The following SLC24A3 variants were observed in gnomAD, a reference collection of about 807,000 sequenced individuals.
SLC24A3 encodes solute carrier family 24 member 3, also known as sodium/potassium/calcium exchanger 3.
SLC24A3 carries 28 observed loss-of-function variants against 75.8 expected under a neutral mutation model. That is an observed-to-expected ratio of 0.37 (90% CI 0.27 to 0.51). The LOEUF (loss-of-function observed/expected upper bound fraction) is 0.51. SLC24A3 is among the 20% of genes least tolerant of loss of function. SLC24A3 has a pLI of 0.94. For missense variants in SLC24A3, 663 were observed against 847.8 expected (o/e 0.78, Z 2.71); for synonymous variants, 372 against 334.1 (o/e 1.11, Z -1.24).
intron 6 of SLC24A3, among the ~76,000 whole-genome samples, chr20:19,594,487 T>C (rs2031424458): frequency 6.6e-6 from 1 of 152,242 alleles, no homozygotes; most frequent in Non-Finnish European, 1.5e-5. Context: ...CTGATTGTGT[T>C]CTAGGGAGAA....
intron 6 of SLC24A3, among the ~76,000 whole-genome samples, chr20:19,626,290 G>A (rs2031865111): frequency 6.6e-6 from 1 of 152,150 alleles, no homozygotes; most frequent in African/African-American, 2.4e-5. Context: ...CTGAGGCTCA[G>A]ATCAGGGAAG....
In SLC24A3 at chr20:19,685,095, T is replaced by G. The variant is rs776535401; in HGVS notation, c.1063-5T>G. ...CGTGGTAAGAGTGCGCCTTTCTCTT[T>G]CCAGAGACAAAGATTGATAAACAGC... On this transcript the variant is annotated splice_region_variant and splice_polypyrimidine_tract_variant and intron_variant, in intron 11 of 16. Coordinates refer to ENST00000328041, the MANE Select transcript of SLC24A3 (RefSeq NM_020689.4). 19 of 1,598,024 alleles carry G rather than the reference T, an allele frequency of 1.2e-5. No homozygotes were observed. Among genetic ancestry groups the G allele is most frequent in the Non-Finnish European group, 1.7e-6 (2 of 1,169,098 alleles).
At chr20:19,485,405 A>G (rs1988113816) in intron 2 of SLC24A3, among the ~76,000 whole-genome samples, 1 of 152,138 alleles carries the variant, frequency 6.6e-6, no homozygotes, top group Admixed American at 6.5e-5. Context: ...ACTGTATGTA[A>G]TTAGCTACTA....
intron 2 of SLC24A3, among the ~76,000 whole-genome samples, chr20:19,302,985 A>G (rs1162659843): frequency 6.6e-6 from 1 of 150,828 alleles, no homozygotes; most frequent in Non-Finnish European, 1.5e-5. Flanking sequence ...GAACGTGATA[A>G]TGAACTTAGT....
At chr20:19,549,665 T>A (rs2030659483) in intron 3 of SLC24A3, among the ~76,000 whole-genome samples, 1 of 152,144 alleles carries the variant, frequency 6.6e-6, no homozygotes, top group Non-Finnish European at 1.5e-5. Flanking sequence ...GCGTCTGTAA[T>A]CCCAGCTACT....
rs188531540 is a variant in SLC24A3, at chr20:19,451,428, C to T, written c.272-64060C>T. 3.5e-3 allele frequency among the ~76,000 whole-genome samples: 526 copies of T among 152,338 alleles called. 13 individuals carry two copies. Among genetic ancestry groups the T allele is most frequent in the Admixed American group, 0.03 (466 of 15,302 alleles). Reference sequence around the variant, plus strand: ...TCAGTCGCTATCCACTTGGTCCATTCGTCATCATGTTGAGCCTCTGTAGCC... The same window carrying T: ...TCAGTCGCTATCCACTTGGTCCATTTGTCATCATGTTGAGCCTCTGTAGCC... On this transcript the variant is annotated intron_variant, in intron 2 of 16. Transcript: ENST00000328041.
intron 9 of SLC24A3, among the ~76,000 whole-genome samples, chr20:19,678,026 A>G (rs1440339984): frequency 1.3e-5 from 2 of 151,606 alleles, no homozygotes; most frequent in African/African-American, 4.9e-5. Context: ...GTTGGGGGGT[A>G]AGGTCACAGA....
intron 9 of SLC24A3, among the ~76,000 whole-genome samples, chr20:19,679,541 G>C (rs913608121): frequency 2.9e-5 from 4 of 140,078 alleles, no homozygotes; most frequent in African/African-American, 1.2e-4. Context: ...CGTGGGGAGG[G>C]GGAGAGGGAG....
rs534185917 is a variant in SLC24A3, at chr20:19,643,310, C to A, written c.613-10752C>A. 3.9e-4 allele frequency among the ~76,000 whole-genome samples: 59 copies of A among 152,274 alleles called. 1 individual carries two copies. Among genetic ancestry groups the A allele is most frequent in the African/African-American group, 1.3e-3 (54 of 41,562 alleles). On this transcript the variant is annotated intron_variant, in intron 6 of 16. Transcript: ENST00000328041. ...GATTAGCTCCTGATACTGTGAAAGT[C>A]CCCTTCATTGCCAAACACCAGGTAG... is the stretch of plus-strand genomic sequence containing the variant.
At chr20:19,293,074 A>C (rs947317570) in intron 2 of SLC24A3, among the ~76,000 whole-genome samples, 7 of 150,866 alleles carry the variant, frequency 4.6e-5, no homozygotes, top group Non-Finnish European at 1.0e-4. Context: ...GAACATAAGC[A>C]TGAAGACCAT....
intron 3 of SLC24A3, among the ~76,000 whole-genome samples, chr20:19,531,223 A>G (rs946990883): frequency 3.9e-5 from 6 of 152,212 alleles, no homozygotes; most frequent in Admixed American, 2.0e-4. Flanking sequence ...TCAGTCACAA[A>G]TGGACCCAGA....
chr20:19,593,301 G>T (rs2031405057), intron 6 of SLC24A3, among the ~76,000 whole-genome samples: 1 of 152,188 alleles, frequency 6.6e-6, no homozygotes, highest in African/African-American at 2.4e-5. Flanking sequence ...CCAAAGCCAG[G>T]TCACCCCTTA....
At chr20:19,378,214 A>G (rs1986120138) in intron 2 of SLC24A3, among the ~76,000 whole-genome samples, 1 of 152,074 alleles carries the variant, frequency 6.6e-6, no homozygotes, top group South Asian at 2.1e-4. Context: ...CCTTCATCCC[A>G]TGGAGTTCAC....
At position 19,720,860 on chromosome 20, in the gene SLC24A3, A is replaced by G. The variant is rs1319973102; in HGVS notation, c.1786-131A>G. 1.2e-5 allele frequency: 11 copies of G among 934,686 alleles called. No homozygotes were observed. The East Asian group carries it at 2.7e-4, about 23-fold the overall frequency. The allele number at this position is 934,686 out of a possible 1,614,324, so 57.9% of individuals were successfully genotyped here. A position where few individuals can be genotyped will look rare whatever the true frequency, so the allele number is the denominator to read the frequency against. On this transcript the variant is annotated intron_variant, in intron 16 of 16. Transcript: ENST00000328041. ...GACGAGAGGTGGATTTTGCAGGCTCAGAGAGGATCAGCACCCTGCCCGAGG... is the reference window on the plus strand; with the variant it reads ...GACGAGAGGTGGATTTTGCAGGCTCGGAGAGGATCAGCACCCTGCCCGAGG...
At chr20:19,342,564 A>G (rs1308940170) in intron 2 of SLC24A3, among the ~76,000 whole-genome samples, 1 of 152,266 alleles carries the variant, frequency 6.6e-6, no homozygotes, top group Non-Finnish European at 1.5e-5. Context: ...TTTATTTATG[A>G]CAACTGTTTT....
At chr20:19,618,571 T>C (rs2031766744) in intron 6 of SLC24A3, among the ~76,000 whole-genome samples, 1 of 152,184 alleles carries the variant, frequency 6.6e-6, no homozygotes. Flanking sequence ...GGGGTAAGAC[T>C]TCAACATATG....
intron 1 of SLC24A3, among the ~76,000 whole-genome samples, chr20:19,253,101 CATTT>C (rs1237884364): frequency 6.6e-6 from 1 of 152,198 alleles, no homozygotes; most frequent in Non-Finnish European, 1.5e-5. Context: ...GGGATGGTAT[CATTT>C]ATAGAAGGCA....
intron 12 of SLC24A3, among the ~76,000 whole-genome samples, chr20:19,691,077 C>G (rs1195076921): frequency 1.3e-5 from 2 of 152,184 alleles, no homozygotes; most frequent in Non-Finnish European, 2.9e-5. Context: ...GAGAAGACCC[C>G]TGTTCTCATA....
chr20:19,606,172 G>C (rs1166066069), intron 6 of SLC24A3, among the ~76,000 whole-genome samples: 1 of 152,166 alleles, frequency 6.6e-6, no homozygotes. Context: ...AATTACCCAG[G>C]GGTGCAGGTG....
Sources: allele counts gnomAD v4.1 joint callset (sites outside exome capture counted in the v4.1 genomes callset), GRCh38; gene constraint gnomAD v4.1.1; transcripts MANE v1.5; gene names NCBI Gene and HGNC (gene_info 2026-07-23, HGNC 2026-07-21).